Variants in EXOC4 observed in about 807,000 individuals in gnomAD.
The protein encoded by EXOC4 is exocyst complex component 4.
EXOC4 carries 71 observed loss-of-function variants against 107.2 expected under a neutral mutation model. The observed-to-expected ratio is 0.66, with a 90% CI of 0.55 to 0.81. The LOEUF (loss-of-function observed/expected upper bound fraction) is 0.81, where lower values mean the gene tolerates loss of function less well. Ranked by LOEUF, EXOC4 falls within the 30% of genes least tolerant of loss-of-function variation. The pLI is 0.00. For synonymous variants in EXOC4, 456 were observed against 441.2 expected (o/e 1.03, Z -0.42); for missense variants, 1,108 against 1,189.6 (o/e 0.93, Z 1.01).
intron 17 of EXOC4, among the ~76,000 whole-genome samples, chr7:134,062,641 A>G (rs1796091641): frequency 6.6e-6 from 1 of 152,178 alleles, no homozygotes; most frequent in African/African-American, 2.4e-5. Flanking sequence ...GAAGTGAGTA[A>G]CACTCTTCAT....
At chr7:134,063,968 G>T (rs1193787021) in intron 17 of EXOC4, among the ~76,000 whole-genome samples, 1 of 152,202 alleles carries the variant, frequency 6.6e-6, no homozygotes, top group Non-Finnish European at 1.5e-5. Context: ...CCTTCTTCAG[G>T]CTATACCCCT....
intron 9 of EXOC4, 71 bp from the exon 10 acceptor site, chr7:133,629,974 A>C: frequency 1.8e-6 from 2 of 1,082,234 alleles, no homozygotes; most frequent in Non-Finnish European, 2.9e-6. Context: ...GGACTCATCT[A>C]GATATGCTTG....
At chr7:133,462,559 A>T (rs990584451) in intron 7 of EXOC4, among the ~76,000 whole-genome samples, 1 of 152,218 alleles carries the variant, frequency 6.6e-6, no homozygotes, top group Non-Finnish European at 1.5e-5. Context: ...GGTTGGCTTC[A>T]TCTCCATGCA....
chr7:133,737,615 A>G (rs1393135085), intron 10 of EXOC4, among the ~76,000 whole-genome samples: 1 of 152,150 alleles, frequency 6.6e-6, no homozygotes, highest in Non-Finnish European at 1.5e-5. Flanking sequence ...TTTGTACATT[A>G]GAAGATGGCT....
chr7:133,649,562 C>A (rs1803086683), intron 10 of EXOC4, among the ~76,000 whole-genome samples: 1 of 150,460 alleles, frequency 6.6e-6, no homozygotes, highest in Non-Finnish European at 1.5e-5. Flanking sequence ...GAATGGTGTA[C>A]CCCATCAGAG....
In EXOC4 at chr7:133,700,220, A is replaced by G. The variant is rs1794626487; in HGVS notation, c.1514+70079A>G. On this transcript the variant is annotated intron_variant, in intron 10 of 17. Coordinates refer to ENST00000253861, the MANE Select transcript of EXOC4 (RefSeq NM_021807.4). ...TCTCAACTATAATGTGCTAAAGTGC[A>G]TAGTACCAAAGAGATTGATTTAACA... Among the ~76,000 whole-genome samples, 3 of 152,348 alleles carry G rather than the reference A, an allele frequency of 2.0e-5. No homozygotes were observed. In the South Asian group the frequency reaches 6.2e-4, roughly 32 times the overall value.
chr7:133,699,029 T>C (rs1374622546), intron 10 of EXOC4, among the ~76,000 whole-genome samples: 1 of 152,194 alleles, frequency 6.6e-6, no homozygotes, highest in Non-Finnish European at 1.5e-5. Context: ...AGCATTCACT[T>C]TTTTTAGAAT....
intron 14 of EXOC4, among the ~76,000 whole-genome samples, chr7:133,942,233 T>C (rs767261563): frequency 3.9e-5 from 6 of 151,968 alleles, no homozygotes; most frequent in Non-Finnish European, 8.8e-5. Flanking sequence ...TACAACCTCC[T>C]TGATTATATA....
intron 9 of EXOC4, among the ~76,000 whole-genome samples, chr7:133,619,105 C>T (rs1438919616): frequency 6.6e-6 from 1 of 152,132 alleles, no homozygotes; most frequent in African/African-American, 2.4e-5. Context: ...CCACCTGTGC[C>T]TCAGTAATCC....
At chr7:133,878,717 T>C (rs1798900706) in intron 11 of EXOC4, among the ~76,000 whole-genome samples, 2 of 152,142 alleles carry the variant, frequency 1.3e-5, no homozygotes, top group African/African-American at 4.8e-5. Context: ...CATTTTGTTT[T>C]TTTTATGTTT....
intron 10 of EXOC4, among the ~76,000 whole-genome samples, chr7:133,653,352 T>C (rs1803208540): frequency 6.6e-6 from 1 of 152,210 alleles, no homozygotes; most frequent in African/African-American, 2.4e-5. Context: ...TCAACATATC[T>C]ACCTATAACA....
In EXOC4 at chr7:133,577,311, C is replaced by T. The variant is rs553029982; in HGVS notation, c.1418-52734C>T. Among the ~76,000 whole-genome samples the T allele has an allele frequency of 4.6e-5, 7 of 152,056 alleles. No individual in the cohort carries two copies. The East Asian group carries it at 1.4e-3, about 29-fold the overall frequency. ...GTAAGTAATATTTAGTAATATTTTCCTTTATAAAAAACTTTTAAAGTCTAA... is the reference window on the plus strand; with the variant it reads ...GTAAGTAATATTTAGTAATATTTTCTTTTATAAAAAACTTTTAAAGTCTAA... On this transcript the variant is annotated intron_variant, in intron 9 of 17. Transcript: ENST00000253861.
At chr7:134,085,053 G>C in the EXOC4 span, among the ~76,000 whole-genome samples, 1 of 152,204 alleles carries the variant, frequency 6.6e-6, no homozygotes, top group Admixed American at 6.5e-5. Context: ...AAGTATGACT[G>C]CTGGGATTGG....
At chr7:133,928,922 CTTTTTTTTTTTTTTTTT>C (rs71162044) in intron 13 of EXOC4, among the ~76,000 whole-genome samples, 1 of 82,016 alleles carries the variant, frequency 1.2e-5, no homozygotes, top group Non-Finnish European at 2.2e-5. Flanking sequence ...ACAGTAGTAC[CTTTTTTTTTTTTTTTTT>C]TTTTTTTTTT....
chr7:133,364,256 G>T (rs541388482), intron 6 of EXOC4, among the ~76,000 whole-genome samples: 1 of 151,830 alleles, frequency 6.6e-6, no homozygotes, highest in East Asian at 1.9e-4. Flanking sequence ...TTAGCCTCCT[G>T]AGTAGTTGGG....
intron 10 of EXOC4, among the ~76,000 whole-genome samples, chr7:133,796,989 A>T (rs1796830478): frequency 6.6e-6 from 1 of 152,176 alleles, no homozygotes; most frequent in African/African-American, 2.4e-5. Flanking sequence ...TTATTATCTG[A>T]TTGGAAAAAA....
chr7:133,520,610 A>G (rs1445921536), intron 9 of EXOC4, among the ~76,000 whole-genome samples: 1 of 152,192 alleles, frequency 6.6e-6, no homozygotes, highest in Non-Finnish European at 1.5e-5. Flanking sequence ...GTGGCTATTG[A>G]AGTCACATTA....
chr7:133,348,961 A>C (rs1795846844), intron 5 of EXOC4, among the ~76,000 whole-genome samples: 1 of 152,198 alleles, frequency 6.6e-6, no homozygotes, highest in Non-Finnish European at 1.5e-5. Context: ...AAGTAAAACC[A>C]AATGAATCTG....
At chr7:134,057,170 C>CAGGT (rs1398970365) in intron 17 of EXOC4, among the ~76,000 whole-genome samples, 1 of 152,134 alleles carries the variant, frequency 6.6e-6, no homozygotes, top group Non-Finnish European at 1.5e-5. Flanking sequence ...ATATAAAAAA[C>CAGGT]AGGTAGGTAG....
Sources: gnomAD v4.1 joint callset for allele counts (sites outside exome capture counted in the v4.1 genomes callset) on GRCh38, gnomAD v4.1.1 for gene constraint, MANE v1.5 for transcripts, NCBI Gene and HGNC (gene_info 2026-07-23, HGNC 2026-07-21) for gene names.